The following ELAVL2 variants were observed in gnomAD, a reference collection of about 807,000 sequenced individuals.
ELAVL2 encodes the protein ELAV-like protein 2.
A neutral mutation model predicts 34.6 loss-of-function variants in ELAVL2; 4 were observed. The ratio of observed to expected loss-of-function variants is 0.12; its 90% CI spans 0.06 to 0.26. ELAVL2 has a LOEUF of 0.26. Among genes scored for constraint, ELAVL2 ranks in the 10% least tolerant of loss-of-function variants. ELAVL2 has a pLI of 1.00. For missense variants in ELAVL2, 432 were observed against 442.8 expected, an observed-to-expected ratio of 0.98 and a Z score of 0.22; for synonymous variants, 193 against 154.8, an observed-to-expected ratio of 1.25 and a Z score of -1.83.
intron 5 of ELAVL2, 113 bp from the exon 6 acceptor site, chr9:23,693,599 G>T: frequency 7.9e-7 from 1 of 1,266,010 alleles, no homozygotes; most frequent in Non-Finnish European, 1.1e-6. Context: ...CTGATTATAT[G>T]TGAAGACTCA....
At chr9:23,827,443 T>C (rs1028021111), upstream of ELAVL2, among the ~76,000 whole-genome samples, 3 of 152,198 alleles carry the variant, frequency 2.0e-5, no homozygotes, top group African/African-American at 7.2e-5. Flanking sequence ...ACAATATTCA[T>C]TTGACCTACG....
chr9:23,716,435 T>C (rs1057335057), intron 3 of ELAVL2, among the ~76,000 whole-genome samples: 4 of 152,038 alleles, frequency 2.6e-5, no homozygotes, highest in African/African-American at 9.7e-5. Context: ...ACCAACAAGT[T>C]TTGAAAAACA....
At chr9:23,710,762 T>A (rs966170339) in intron 3 of ELAVL2, among the ~76,000 whole-genome samples, 3 of 152,214 alleles carry the variant, frequency 2.0e-5, no homozygotes, top group Non-Finnish European at 4.4e-5. Context: ...CGTGGGACTA[T>A]CTGAAAAATG....
intron 1 of ELAVL2, among the ~76,000 whole-genome samples, chr9:23,817,995 T>C (rs747398766): frequency 1.3e-5 from 2 of 152,194 alleles, no homozygotes; most frequent in Non-Finnish European, 2.9e-5. Context: ...ACTAGCACTA[T>C]AAACCGTCTA....
Position 23,693,437 on chromosome 9 carries a change from TC to T in ELAVL2, c.752+10del. On this transcript the variant is annotated intron_variant, in intron 6 of 6. Transcript: ENST00000397312. ...AAAGGGATTATGAGTATCATGAACCTCTATCATTACCTCTTTACTCCATAAG... is the reference window on the plus strand; with the variant it reads ...AAAGGGATTATGAGTATCATGAACCTTATCATTACCTCTTTACTCCATAAG... The T allele has an allele frequency of 1.2e-6, 2 of 1,613,986 alleles. No individual in the cohort carries two copies. Among genetic ancestry groups the T allele is most frequent in the Non-Finnish European group, 1.7e-6 (2 of 1,179,890 alleles).
chr9:23,831,749 T>G, the ELAVL2 span, among the ~76,000 whole-genome samples: 5 of 151,832 alleles, frequency 3.3e-5, no homozygotes, highest in African/African-American at 1.2e-4. Flanking sequence ...TGAAGTAAAC[T>G]GCATTAAAAT....
chr9:23,755,669 C>CCA (rs2053377621), intron 2 of ELAVL2, among the ~76,000 whole-genome samples: 1 of 152,114 alleles, frequency 6.6e-6, no homozygotes, highest in South Asian at 2.1e-4. Flanking sequence ...GTACTGTATT[C>CCA]CACAGTTAAC....
intron 2 of ELAVL2, among the ~76,000 whole-genome samples, chr9:23,738,033 T>C (rs1402911718): frequency 6.6e-6 from 1 of 152,218 alleles, no homozygotes; most frequent in Non-Finnish European, 1.5e-5. Context: ...CTCTCCTCCC[T>C]CAAACACACA....
At chr9:23,825,187 T>A (rs980326174) in intron 1 of ELAVL2, among the ~76,000 whole-genome samples, 1 of 152,206 alleles carries the variant, frequency 6.6e-6, no homozygotes, top group African/African-American at 2.4e-5. Context: ...CATACAATGA[T>A]GAGTTCTGAC....
At chr9:23,764,229 A>AGG (rs1940878972) in intron 1 of ELAVL2, among the ~76,000 whole-genome samples, 1 of 152,182 alleles carries the variant, frequency 6.6e-6, no homozygotes, top group African/African-American at 2.4e-5. Context: ...AAACTACAAG[A>AGG]GACCCGAATG....
chr9:23,824,214 G>A (rs971334907), intron 1 of ELAVL2, among the ~76,000 whole-genome samples: 1 of 152,168 alleles, frequency 6.6e-6, no homozygotes, highest in African/African-American at 2.4e-5. Flanking sequence ...AATGGGAAAC[G>A]GGGAACTTAT....
intron 2 of ELAVL2, among the ~76,000 whole-genome samples, chr9:23,751,305 A>G (rs560224501): frequency 1.3e-5 from 2 of 152,334 alleles, no homozygotes; most frequent in Admixed American, 1.3e-4. Flanking sequence ...GGATTTAACA[A>G]AAAAGGAAAA....
At chr9:23,736,774 C>G (rs2048000641) in intron 2 of ELAVL2, among the ~76,000 whole-genome samples, 2 of 152,178 alleles carry the variant, frequency 1.3e-5, no homozygotes. Context: ...CAAAAACAGC[C>G]ATCCTCCACC....
the ELAVL2 span, among the ~76,000 whole-genome samples, chr9:23,833,920 A>T: frequency 1.3e-5 from 2 of 151,958 alleles, no homozygotes; most frequent in Non-Finnish European, 2.9e-5. Context: ...ATAACTAATT[A>T]TGTCCTTCCA....
At chr9:23,747,917 T>A (rs967945691) in intron 2 of ELAVL2, among the ~76,000 whole-genome samples, 3 of 152,044 alleles carry the variant, frequency 2.0e-5, no homozygotes, top group Non-Finnish European at 2.9e-5. Flanking sequence ...ACCTAAATTT[T>A]TTTTTTTAAA....
Position 23,762,133 on chromosome 9 carries a change from T to C in ELAVL2, c.102A>G (p.Thr34=), listed in dbSNP as rs2055161554. The C allele has an allele frequency of 1.9e-6, 3 of 1,613,670 alleles. No homozygotes were observed. The highest frequency in any genetic ancestry group is 2.5e-6 in the Non-Finnish European group (3 of 1,179,626). Residue 34 remains threonine (T), a synonymous_variant, in exon 2 of 7, where the codon ACA becomes ACG. Coordinates refer to ENST00000397312, the MANE Select transcript of ELAVL2 (RefSeq NM_004432.5). ...CTATTAAGTTGGTCTTGCTGTCTTC[T>C]GTGTTCCCAGAGTCAACTGGTGACG... ...NCSSPVDSGN[T]EDSKTNLIVN...
chr9:23,718,477 A>C (rs1401350970), intron 3 of ELAVL2, among the ~76,000 whole-genome samples: 5 of 152,192 alleles, frequency 3.3e-5, no homozygotes, highest in Non-Finnish European at 1.5e-5. Flanking sequence ...TAGAAACTGT[A>C]CCAGTTTTTT....
At chr9:23,708,120 A>C (rs1478408257) in intron 3 of ELAVL2, among the ~76,000 whole-genome samples, 1 of 152,204 alleles carries the variant, frequency 6.6e-6, no homozygotes, top group Admixed American at 6.5e-5. Context: ...AAAAGGCTCC[A>C]AGACAAACCT....
chr9:23,803,948 A>G (rs2061886537), intron 1 of ELAVL2, among the ~76,000 whole-genome samples: 1 of 152,162 alleles, frequency 6.6e-6, no homozygotes. Flanking sequence ...TGAGCACCCA[A>G]CGACCATGCA....
Sources: allele counts gnomAD v4.1 joint callset (sites outside exome capture counted in the v4.1 genomes callset), GRCh38; gene constraint gnomAD v4.1.1; transcripts MANE v1.5; gene names NCBI Gene and HGNC (gene_info 2026-07-23, HGNC 2026-07-21).